The following SRGAP3 variants were observed in gnomAD, a reference collection of about 807,000 sequenced individuals.
SRGAP3 encodes the protein SLIT-ROBO Rho GTPase-activating protein 3.
SRGAP3 carries 39 observed loss-of-function variants against 121.1 expected under a neutral mutation model. The ratio of observed to expected loss-of-function variants is 0.32; its 90% CI spans 0.25 to 0.42. SRGAP3 has a LOEUF of 0.42. Ranked by LOEUF, SRGAP3 falls within the 10% of genes least tolerant of loss-of-function variation. SRGAP3 has a pLI of 1.00. For synonymous variants in SRGAP3, 601 were observed against 570.0 expected, an observed-to-expected ratio of 1.05 and a Z score of -0.77; for missense variants, 1,213 against 1,470.6, an observed-to-expected ratio of 0.82 and a Z score of 2.86.
chr3:9,260,515 T>C (rs1954232383), intron 3 of SRGAP3, among the ~76,000 whole-genome samples: 1 of 152,192 alleles, frequency 6.6e-6, no homozygotes, highest in Non-Finnish European at 1.5e-5. Context: ...CCCCTTATAA[T>C]GTAAATAAAG....
intron 1 of SRGAP3, among the ~76,000 whole-genome samples, chr3:9,154,989 ATGTTTTTTGTTTTT>A: frequency 6.8e-6 from 1 of 147,024 alleles, no homozygotes; most frequent in African/African-American, 2.6e-5. Context: ...GGTTTGTTTT[ATGTTTTTTGTTTTT>A]TGTTTTTTTT....
chr3:9,038,774 C>T (rs997447203), intron 10 of SRGAP3, among the ~76,000 whole-genome samples: 1 of 152,228 alleles, frequency 6.6e-6, no homozygotes, highest in African/African-American at 2.4e-5. Context: ...GTTCCATCCC[C>T]TCTGTCCTTC....
chr3:9,003,708 A>C (rs748432796), intron 18 of SRGAP3, among the ~76,000 whole-genome samples: 26 of 152,252 alleles, frequency 1.7e-4, no homozygotes, highest in Non-Finnish European at 3.2e-4. Context: ...ATATCCTTTC[A>C]AGATAAAACA....
intron 1 of SRGAP3, among the ~76,000 whole-genome samples, chr3:9,240,900 C>T (rs556290367): frequency 7.9e-5 from 12 of 152,166 alleles, no homozygotes; most frequent in South Asian, 4.1e-4. Context: ...TGACACACCG[C>T]GGTGGCATCA....
chr3:9,147,855 A>G (rs1950077452), intron 1 of SRGAP3, among the ~76,000 whole-genome samples: 1 of 152,132 alleles, frequency 6.6e-6, no homozygotes, highest in Non-Finnish European at 1.5e-5. Context: ...TGGGCAGGCC[A>G]GGGTCCACCA....
chr3:9,067,259 A>T (rs542508379), intron 4 of SRGAP3, among the ~76,000 whole-genome samples: 40 of 152,238 alleles, frequency 2.6e-4, no homozygotes, highest in East Asian at 2.3e-3. Flanking sequence ...TGTGAAAAAA[A>T]ATATATTTTT....
At chr3:9,070,845 C>T (rs1263667288) in intron 4 of SRGAP3, among the ~76,000 whole-genome samples, 3 of 152,124 alleles carry the variant, frequency 2.0e-5, no homozygotes, top group Non-Finnish European at 4.4e-5. Flanking sequence ...ACATGCAGGT[C>T]GCCGCCCTCA....
intron 1 of SRGAP3, among the ~76,000 whole-genome samples, chr3:9,199,859 C>T (rs551227219): frequency 6.6e-6 from 1 of 152,270 alleles, no homozygotes; most frequent in African/African-American, 2.4e-5. Context: ...TGGTCTCTGT[C>T]CCCTGGAAAT....
chr3:9,269,438 A>C (rs1358570712), intron 3 of SRGAP3, among the ~76,000 whole-genome samples: 1 of 152,168 alleles, frequency 6.6e-6, no homozygotes, highest in East Asian at 1.9e-4. Context: ...GTCTCCCCTG[A>C]AACTGGCACA....
In SRGAP3 at chr3:9,186,625, C is replaced by T. The variant is rs114648666; in HGVS notation, c.68-61708G>A. ...AGGGAACCTGACCTTCAGAGAACCT[C>T]AGCTAACCGTGAGATGAAGGAATGA... On this transcript the variant is annotated intron_variant, in intron 1 of 21. Transcript: ENST00000383836. Among the ~76,000 whole-genome samples, 1,305 of 152,274 alleles carry T rather than the reference C, an allele frequency of 8.6e-3. 8 individuals carry two copies. Among genetic ancestry groups the T allele is most frequent in the South Asian group, 0.031 (149 of 4,820 alleles).
chr3:9,046,711 T>G (rs1270757313), intron 10 of SRGAP3, among the ~76,000 whole-genome samples: 1 of 152,156 alleles, frequency 6.6e-6, no homozygotes. Context: ...AAAATGTCAG[T>G]GCCAGCCTCT....
chr3:9,026,789 C>A, intron 13 of SRGAP3, 146 bp downstream of exon 13: 3 of 857,144 alleles, frequency 3.5e-6, no homozygotes, highest in Admixed American at 1.9e-5. Flanking sequence ...CTCAGAAGAG[C>A]AGCTGCTGTG....
intron 4 of SRGAP3, among the ~76,000 whole-genome samples, chr3:9,067,160 CATT>C (rs954777570): frequency 2.0e-5 from 3 of 152,282 alleles, no homozygotes; most frequent in East Asian, 1.9e-4. Context: ...CCATCATCAT[CATT>C]ATTATCCCTG....
intron 10 of SRGAP3, among the ~76,000 whole-genome samples, chr3:9,038,546 G>T (rs534022249): frequency 6.6e-6 from 1 of 152,206 alleles, no homozygotes; most frequent in Non-Finnish European, 1.5e-5. Flanking sequence ...AAGATTGACC[G>T]AGCCCCTGTT....
At chr3:9,064,769 G>T (rs1284598052) in intron 4 of SRGAP3, among the ~76,000 whole-genome samples, 188 bp from the exon 5 acceptor site, 1 of 151,726 alleles carries the variant, frequency 6.6e-6, no homozygotes, top group East Asian at 1.9e-4. Context: ...GATGATGATG[G>T]TCATTACCAT....
At chr3:9,206,167 A>T (rs1339188184) in intron 1 of SRGAP3, among the ~76,000 whole-genome samples, 1 of 152,212 alleles carries the variant, frequency 6.6e-6, no homozygotes, top group Non-Finnish European at 1.5e-5. Context: ...AATGAAGTAA[A>T]TTTTATCACA....
chr3:9,202,673 C>T (rs1338364365), intron 1 of SRGAP3, among the ~76,000 whole-genome samples: 1 of 152,190 alleles, frequency 6.6e-6, no homozygotes, highest in Non-Finnish European at 1.5e-5. Flanking sequence ...AACCCTCTGT[C>T]CACTCTGTGG....
At chr3:9,277,322 G>A (rs569599847) in intron 3 of SRGAP3, among the ~76,000 whole-genome samples, 46 of 152,240 alleles carry the variant, frequency 3.0e-4, no homozygotes, top group Admixed American at 8.5e-4. Flanking sequence ...ATACCAGGCC[G>A]GGCATGGTGG....
intron 3 of SRGAP3, among the ~76,000 whole-genome samples, chr3:9,269,004 C>T (rs887243810): frequency 4.6e-5 from 7 of 152,132 alleles, no homozygotes; most frequent in South Asian, 4.1e-4. Context: ...AGTGGAAAGA[C>T]GGCAGAATTT....
Sources: allele counts gnomAD v4.1 joint callset (sites outside exome capture counted in the v4.1 genomes callset), GRCh38; gene constraint gnomAD v4.1.1; transcripts MANE v1.5; gene names NCBI Gene and HGNC (gene_info 2026-07-23, HGNC 2026-07-21).